MYO5A: variants seen among roughly 807,000 people sequenced by gnomAD.
MYO5A encodes the protein unconventional myosin-Va.
Under a neutral mutation model 249.7 loss-of-function variants are expected in MYO5A, and 98 were observed. The ratio of observed to expected loss-of-function variants is 0.39; its 90% CI spans 0.33 to 0.46. The LOEUF is 0.46. Among genes scored for constraint, MYO5A ranks in the 20% least tolerant of loss-of-function variants. The probability of loss-of-function intolerance (pLI) is 0.98; values close to 1 mark genes in which losing one functional copy is unlikely to be tolerated. For missense variants in MYO5A, 1,696 were observed against 2,308.8 expected (o/e 0.73, Z 5.44); for synonymous variants, 778 against 810.6 (o/e 0.96, Z 0.68).
At position 52,353,799 on chromosome 15, in the gene MYO5A, C is replaced by T. The variant is rs2040068958; in HGVS notation, c.3567+72G>A. ...TGCTTGGATAGGCTGGGCTGAGTCT[C>T]CACTAAGGAAGAGACTGCTGAAATG... is the stretch of plus-strand genomic sequence containing the variant. On this transcript the variant is annotated intron_variant, in intron 26 of 41. Coordinates refer to ENST00000399233, the MANE Select transcript of MYO5A (RefSeq NM_001382347.1). 4 of 1,608,734 alleles carry T rather than the reference C, an allele frequency of 2.5e-6. No homozygotes were observed. The Admixed American group carries it at 6.7e-5, about 27-fold the overall frequency.
intron 27 of MYO5A, 30 bp from the exon 28 acceptor site, chr15:52,351,511 G>A: frequency 6.3e-7 from 1 of 1,589,874 alleles, no homozygotes. Context: ...AAAGTTCATT[G>A]CTGTCATCCT....
At chr15:52,424,939 A>G (rs1477172038) in intron 4 of MYO5A, among the ~76,000 whole-genome samples, 1 of 152,226 alleles carries the variant, frequency 6.6e-6, no homozygotes, top group East Asian at 1.9e-4. Context: ...CTGATGCCCT[A>G]TCATATAATA....
At chr15:52,316,038 T>C (rs2037991922) in intron 40 of MYO5A, among the ~76,000 whole-genome samples, 1 of 151,008 alleles carries the variant, frequency 6.6e-6, no homozygotes, top group Non-Finnish European at 1.5e-5. Context: ...ATCGAGACCA[T>C]CCTGGTTAAC....
intron 40 of MYO5A, 23 bp downstream of exon 40, chr15:52,317,025 T>C (rs751625054): frequency 1.2e-6 from 2 of 1,605,504 alleles, no homozygotes; most frequent in African/African-American, 1.3e-5. Flanking sequence ...TAAATTATTT[T>C]GTAACAGGGA....
chr15:52,495,419 C>G (rs1297078843), intron 1 of MYO5A, among the ~76,000 whole-genome samples: 1 of 152,154 alleles, frequency 6.6e-6, no homozygotes, highest in Non-Finnish European at 1.5e-5. Context: ...TGAGGAACTA[C>G]TGGTCAAAAA....
chr15:52,478,922 T>C (rs1184065311), intron 1 of MYO5A, among the ~76,000 whole-genome samples: 2 of 152,202 alleles, frequency 1.3e-5, no homozygotes, highest in African/African-American at 2.4e-5. Context: ...GGTTATGTCT[T>C]TATATTTGTT....
At chr15:52,503,748 G>A (rs866157228) in intron 1 of MYO5A, among the ~76,000 whole-genome samples, 13 of 152,124 alleles carry the variant, frequency 8.5e-5, no homozygotes, top group African/African-American at 3.1e-4. Flanking sequence ...CTCCTGATAT[G>A]GTCAAATTTT....
In MYO5A at chr15:52,308,794, A is replaced by C. The variant is rs183094637; in HGVS notation, c.*4902T>G. 9.2e-5 allele frequency: 14 copies of C among 152,904 alleles called. No individual in the cohort carries two copies. In the East Asian group the frequency reaches 2.7e-3, roughly 29 times the overall value. The allele number at this position is 152,904 out of a possible 1,614,324, so 9.5% of individuals were successfully genotyped here. A position where few individuals can be genotyped will look rare whatever the true frequency, so the allele number is the denominator to read the frequency against. ...CAGAAGAAAAGTTCTGGAGAACTTA[A>C]GGCAGCTCTAGAAGGGAAGGGAGCA... On this transcript the variant is annotated 3_prime_UTR_variant, in exon 42 of 42. Transcript: ENST00000399233.
At position 52,394,681 on chromosome 15, in the gene MYO5A, A is replaced by G. The variant is rs1253644962; in HGVS notation, c.1401+1635T>C. Among the ~76,000 whole-genome samples the G allele has an allele frequency of 2.6e-5, 4 of 152,362 alleles. No individual in the cohort carries two copies. In the East Asian group the frequency reaches 7.7e-4, roughly 29 times the overall value. The stretch of plus-strand genomic sequence containing the variant: ...AAGAGACCAAAACACACATGCAGAC[A>G]GGAGGCCCTTGAAAAACAGACAAAC... On this transcript the variant is annotated intron_variant, in intron 11 of 41. Coordinates refer to ENST00000399233, the MANE Select transcript of MYO5A (RefSeq NM_001382347.1).
intron 9 of MYO5A, among the ~76,000 whole-genome samples, chr15:52,404,046 A>G (rs1281108824): frequency 1.3e-5 from 2 of 152,166 alleles, no homozygotes; most frequent in African/African-American, 2.4e-5. Flanking sequence ...TGGGCGGATC[A>G]TCTGAGGTCA....
intron 11 of MYO5A, among the ~76,000 whole-genome samples, chr15:52,395,941 C>A (rs567318542): frequency 6.6e-5 from 10 of 152,338 alleles, no homozygotes; most frequent in African/African-American, 2.4e-4. Context: ...GTTCTGACAT[C>A]TTGCTAATAT....
In MYO5A at chr15:52,387,663, G is replaced by C. The variant is rs2042024939; in HGVS notation, c.1752+166C>G. 8.3e-6 allele frequency: 5 copies of C among 603,644 alleles called. No individual in the cohort carries two copies. In the South Asian group the frequency reaches 9.9e-5, roughly 12 times the overall value. The allele number at this position is 603,644 out of a possible 1,614,324, so 37.4% of individuals were successfully genotyped here. On this transcript the variant is annotated intron_variant, in intron 14 of 41. Coordinates refer to ENST00000399233, the MANE Select transcript of MYO5A (RefSeq NM_001382347.1). ...TGAGTTAGCATTTTCAATACATTTA[G>C]AACAGGACCTGACATGCAGCTAAAT... is the stretch of plus-strand genomic sequence containing the variant.
intron 36 of MYO5A, among the ~76,000 whole-genome samples, chr15:52,327,576 G>A (rs1357546295): frequency 1.3e-5 from 2 of 152,182 alleles, no homozygotes; most frequent in African/African-American, 4.8e-5. Context: ...GCATGGTGGT[G>A]TGCAACTGTG....
chr15:52,528,888 G>C, upstream of MYO5A: 2 of 1,287,296 alleles, frequency 1.6e-6, no homozygotes, highest in Non-Finnish European at 2.0e-6. Context: ...ACTAGGAAGC[G>C]CCCGCAGCCG....
rs2075505341 is a variant in MYO5A, at chr15:52,430,581, T to C, written c.139-2012A>G. On this transcript the variant is annotated intron_variant, in intron 2 of 41. Coordinates refer to ENST00000399233, the MANE Select transcript of MYO5A (RefSeq NM_001382347.1). ...ACTATAGTTTCTAAAAAGAGAATGA[T>C]TCTTGAATAGTTCAGGAATTTTATA... 1.3e-5 allele frequency among the ~76,000 whole-genome samples: 2 copies of C among 152,234 alleles called. 1 individual carries two copies. The highest frequency in any genetic ancestry group is 4.1e-4 in the South Asian group (2 of 4,832).
chr15:52,482,323 A>C (rs894513423), intron 1 of MYO5A, among the ~76,000 whole-genome samples: 1 of 152,218 alleles, frequency 6.6e-6, no homozygotes, highest in Non-Finnish European at 1.5e-5. Flanking sequence ...CCAGAAGGGA[A>C]TAGAACTCAT....
intron 11 of MYO5A, among the ~76,000 whole-genome samples, chr15:52,392,508 A>G (rs2042285632): frequency 6.6e-6 from 1 of 152,232 alleles, no homozygotes; most frequent in African/African-American, 2.4e-5. Flanking sequence ...ACTTCTCCTA[A>G]GGGACTGTGG....
intron 13 of MYO5A, 111 bp downstream of exon 13, chr15:52,389,127 G>A: frequency 8.9e-7 from 1 of 1,119,892 alleles, no homozygotes; most frequent in Non-Finnish European, 1.3e-6. Context: ...TGTCCCTTGA[G>A]CCCTAAAGAA....
Position 52,331,348 on chromosome 15 carries a change from G to A in MYO5A, c.4409-849C>T, listed in dbSNP as rs201056596. ...ATTATGCTAAAGGTTAAAAAAAAAA[G>A]TCTCCAATTTCATCTCAAAATTGAG... On this transcript the variant is annotated intron_variant, in intron 34 of 41. Transcript: ENST00000399233. Among the ~76,000 whole-genome samples, 6 of 151,988 alleles carry A rather than the reference G, an allele frequency of 3.9e-5. No individual in the cohort carries two copies. In the East Asian group the frequency reaches 1.2e-3, roughly 29 times the overall value.
Sources: gnomAD v4.1 joint callset for allele counts (sites outside exome capture counted in the v4.1 genomes callset) on GRCh38, gnomAD v4.1.1 for gene constraint, MANE v1.5 for transcripts, NCBI Gene and HGNC (gene_info 2026-07-23, HGNC 2026-07-21) for gene names.